Variants in MCTP1 observed in about 807,000 individuals in gnomAD.
The protein encoded by MCTP1 is multiple C2 and transmembrane domain containing 1, also known as multiple C2 and transmembrane domain-containing protein 1.
MCTP1 carries 69 observed loss-of-function variants against 120.6 expected under a neutral mutation model. That is an observed-to-expected ratio of 0.57 (90% confidence interval 0.47 to 0.70). The LOEUF is 0.70. MCTP1 is among the 30% of genes least tolerant of loss of function. The probability of loss-of-function intolerance (pLI) is 0.00; values close to 1 mark genes in which losing one functional copy is unlikely to be tolerated. For synonymous variants in MCTP1, 529 were observed against 493.1 expected (o/e 1.07, Z -0.96); for missense variants, 1,203 against 1,248.8 (o/e 0.96, Z 0.55).
intron 1 of MCTP1, among the ~76,000 whole-genome samples, chr5:95,123,839 C>T (rs1343961937): frequency 2.6e-5 from 4 of 152,036 alleles, no homozygotes; most frequent in East Asian, 1.9e-4. Flanking sequence ...TTAATAGAAA[C>T]GGGGTTTCAC....
At chr5:95,200,836 G>T (rs763313223) in intron 1 of MCTP1, among the ~76,000 whole-genome samples, 1 of 152,166 alleles carries the variant, frequency 6.6e-6, no homozygotes, top group Non-Finnish European at 1.5e-5. Context: ...GTGAGGTAAT[G>T]CATATGTTAA....
At chr5:95,076,759 G>GT (rs1354752152) in intron 1 of MCTP1, among the ~76,000 whole-genome samples, 1 of 152,100 alleles carries the variant, frequency 6.6e-6, no homozygotes, top group Admixed American at 6.5e-5. Flanking sequence ...ATGCTATTTT[G>GT]TTTAGGGGTG....
In MCTP1 at chr5:94,912,929, A is replaced by T; in HGVS notation, c.1398T>A (p.His466Gln). 1 of 1,604,396 alleles carries T rather than the reference A, an allele frequency of 6.2e-7. No individual in the cohort carries two copies. The highest frequency in any genetic ancestry group is 8.5e-7 in the Non-Finnish European group (1 of 1,176,064). The change falls in exon 9 of 23, where the codon CAT (histidine) becomes CAA (glutamine). Residue 466 changes from histidine (H) to glutamine (Q), a missense_variant. Transcript: ENST00000515393. ...LRLSDLHRKS[H>Q]LWRGIVSITL... is the part of the protein sequence containing the mutation. ...TGATGCTGACTATTCCTCTCCAAAG[A>T]TGCGATTTTCTGTGTAGGTCTGATA...
chr5:95,284,143 C>T lies in MCTP1; in HGVS notation c.433G>A (p.Gly145Arg). ...GGGGAGCGTCCGCCAGGAGGCGTCC[C>T]TCCCGCTGCTCCCGAGGCCGCCGCG... ...GPAAASGAAG[G>R]TPPGGRSPDS... Residue 145 changes from glycine (G) to arginine (R), a missense_variant, in exon 1 of 23, where the codon GGG becomes AGG. By Grantham distance (125) the Gly-to-Arg change is moderately radical. Transcript: ENST00000515393. This position sits in a 1 kb window ranked among gnomAD's most constrained non-coding sequence, Gnocchi z 5.2. The T allele has an allele frequency of 1.3e-6, 2 of 1,555,076 alleles. No homozygotes were observed. Among genetic ancestry groups the T allele is most frequent in the Non-Finnish European group, 1.7e-6 (2 of 1,150,168 alleles).
chr5:95,100,631 C>A (rs192021446), intron 1 of MCTP1, among the ~76,000 whole-genome samples: 9 of 152,270 alleles, frequency 5.9e-5, no homozygotes, highest in Admixed American at 2.0e-4. Context: ...ACTGCATTAT[C>A]CCTGACACTT....
intron 1 of MCTP1, among the ~76,000 whole-genome samples, chr5:95,174,764 G>A (rs758078783): frequency 3.9e-5 from 6 of 152,132 alleles, no homozygotes; most frequent in Non-Finnish European, 8.8e-5. Flanking sequence ...CATAAAGTAA[G>A]TACTCAATAA....
intron 1 of MCTP1, among the ~76,000 whole-genome samples, chr5:95,264,568 T>C (rs975716283): frequency 5.3e-5 from 8 of 152,182 alleles, no homozygotes; most frequent in Non-Finnish European, 1.0e-4. Context: ...AATATCTGCC[T>C]GCCCACAGCA....
At chr5:95,245,035 C>T (rs191895337) in intron 1 of MCTP1, among the ~76,000 whole-genome samples, 2 of 152,276 alleles carry the variant, frequency 1.3e-5, no homozygotes, top group Admixed American at 1.3e-4. Context: ...CCCAGGCAAA[C>T]AGGGTCTGGA....
rs542250491 is a variant in MCTP1 at position 94,736,375 on chromosome 5, C to T, written c.2611-21489G>A. On this transcript the variant is annotated intron_variant, in intron 19 of 22. Transcript: ENST00000515393. ...GTGCATGCCTCTGGTCCCAACCACT[C>T]GGGAGGCTGAGGTGGGGGAATCACT... Among the ~76,000 whole-genome samples the T allele has an allele frequency of 7.9e-5, 12 of 152,038 alleles. No homozygotes were observed. The East Asian group carries it at 1.7e-3, about 22-fold the overall frequency.
In MCTP1 at chr5:95,283,927, G is replaced by A; in HGVS notation, c.649C>T (p.Pro217Ser). The change falls in exon 1 of 23, where the codon CCC becomes TCC. Residue 217 changes from proline (P) to serine (S), a missense_variant. Physicochemically the swap from Pro to Ser is moderately conservative, Grantham distance 74. This residue lies in a region of MCTP1 where 463 missense variants were observed against 377.8 expected (regional missense o/e 1.23). Transcript: ENST00000515393. The stretch of plus-strand genomic sequence containing the variant: ...GCGGGACTCCGCGCCGGCTCTGCGG[G>A]AGGAGGCGGCGGCTCCAGCAGCTGC... ...LEQLLEPPPPPAEPARSPAES... is the reference protein window; with the variant it reads ...LEQLLEPPPPSAEPARSPAES... 2.1e-6 allele frequency: 3 copies of A among 1,400,596 alleles called. No individual in the cohort carries two copies. Among genetic ancestry groups the A allele is most frequent in the East Asian group, 2.9e-5 (1 of 34,166 alleles). The allele number at this position is 1,400,596 out of a possible 1,614,324, so 86.8% of individuals were successfully genotyped here. A position where few individuals can be genotyped will look rare whatever the true frequency, so the allele number is the denominator to read the frequency against.
chr5:94,878,475 C>T (rs998300749), intron 12 of MCTP1, among the ~76,000 whole-genome samples: 1 of 151,928 alleles, frequency 6.6e-6, no homozygotes, highest in African/African-American at 2.4e-5. Context: ...AATTGACACC[C>T]TAGAGTTGTG....
At chr5:95,147,030 A>G (rs1342735029) in intron 1 of MCTP1, among the ~76,000 whole-genome samples, 1 of 152,094 alleles carries the variant, frequency 6.6e-6, no homozygotes, top group Admixed American at 6.6e-5. Context: ...GGTCAAAAAG[A>G]ACTTGTTTTA....
At chr5:95,217,070 G>T (rs115539913) in intron 1 of MCTP1, among the ~76,000 whole-genome samples, 1,889 of 152,268 alleles carry the variant, frequency 0.012, 16 homozygotes, top group Middle Eastern at 0.055. Flanking sequence ...ATTTCAGAAA[G>T]CAACAAGACA....
At chr5:94,772,220 G>A (rs945677129) in intron 19 of MCTP1, among the ~76,000 whole-genome samples, 6 of 152,240 alleles carry the variant, frequency 3.9e-5, no homozygotes, top group East Asian at 1.9e-4. Flanking sequence ...CTTGTAGACC[G>A]CCCTGTGGTT....
chr5:94,834,661 C>T (rs560498810), intron 17 of MCTP1, among the ~76,000 whole-genome samples: 6 of 152,182 alleles, frequency 3.9e-5, no homozygotes, highest in African/African-American at 1.4e-4. Context: ...ATTCAAAGGC[C>T]GCCGATTCCA....
At chr5:95,180,212 T>C (rs1748454649) in intron 1 of MCTP1, among the ~76,000 whole-genome samples, 1 of 152,162 alleles carries the variant, frequency 6.6e-6, no homozygotes, top group South Asian at 2.1e-4. Context: ...GGGACTTGAA[T>C]ACTCCACTGT....
intron 9 of MCTP1, among the ~76,000 whole-genome samples, chr5:94,911,979 C>T (rs1196470162): frequency 2.0e-5 from 3 of 152,030 alleles, no homozygotes; most frequent in African/African-American, 7.2e-5. Context: ...TTTTAACTCT[C>T]ATTTTTACAG....
chr5:94,840,744 T>C, intron 17 of MCTP1, among the ~76,000 whole-genome samples: 1 of 152,196 alleles, frequency 6.6e-6, no homozygotes, highest in African/African-American at 2.4e-5. Flanking sequence ...ACACAAGTAC[T>C]CTTGTAAGAA....
chr5:95,053,669 CT>C (rs1310781197), intron 1 of MCTP1, among the ~76,000 whole-genome samples: 1 of 152,172 alleles, frequency 6.6e-6, no homozygotes, highest in Non-Finnish European at 1.5e-5. Context: ...GCAATGTTTT[CT>C]TTTGTTTCCT....
Sources: allele counts gnomAD v4.1 joint callset (sites outside exome capture counted in the v4.1 genomes callset), GRCh38; gene constraint gnomAD v4.1.1; regional missense constraint gnomAD v4.1.1; non-coding constraint Gnocchi (gnomAD v3.1); transcripts MANE v1.5; gene names NCBI Gene and HGNC (gene_info 2026-07-23, HGNC 2026-07-21).